Variants in OPCML observed in about 807,000 individuals in gnomAD.
The protein encoded by OPCML is opioid binding protein/cell adhesion molecule like, also known as opioid-binding protein/cell adhesion molecule.
In OPCML, 13 loss-of-function variants were observed where a neutral mutation model predicts 37.8. That is an observed-to-expected ratio of 0.34 (90% confidence interval 0.22 to 0.55). The LOEUF is 0.55. Ranked by LOEUF, OPCML falls within the 20% of genes least tolerant of loss-of-function variation. The probability of loss-of-function intolerance (pLI) is 0.91; values close to 1 mark genes in which losing one functional copy is unlikely to be tolerated. For missense variants in OPCML, 341 were observed against 435.6 expected, an observed-to-expected ratio of 0.78 and a Z score of 1.93; for synonymous variants, 176 against 168.8, an observed-to-expected ratio of 1.04 and a Z score of -0.33.
At chr11:132,512,061 A>G (rs2096269947) in intron 4 of OPCML, among the ~76,000 whole-genome samples, 1 of 152,090 alleles carries the variant, frequency 6.6e-6, no homozygotes, top group Non-Finnish European at 1.5e-5. Context: ...AGAAGATTTC[A>G]ACCACTACTT....
chr11:132,973,955 C>T (rs561751419), intron 1 of OPCML, among the ~76,000 whole-genome samples: 88 of 152,074 alleles, frequency 5.8e-4, no homozygotes, highest in Non-Finnish European at 1.2e-3. Context: ...AGAGAAAGCA[C>T]GGAGTGGATC....
intron 1 of OPCML, among the ~76,000 whole-genome samples, chr11:133,071,845 T>C (rs1948543200): frequency 6.6e-6 from 1 of 152,220 alleles, no homozygotes; most frequent in Non-Finnish European, 1.5e-5. Context: ...CTCCTGTGTT[T>C]TATTCCTAAA....
At chr11:132,886,711 T>C (rs928906215) in intron 2 of OPCML, among the ~76,000 whole-genome samples, 2 of 152,214 alleles carry the variant, frequency 1.3e-5, no homozygotes, top group African/African-American at 2.4e-5. Context: ...CTCCTCCCTG[T>C]GCTGGGGGAG....
At chr11:133,039,452 T>C (rs532243746) in intron 1 of OPCML, among the ~76,000 whole-genome samples, 5 of 152,300 alleles carry the variant, frequency 3.3e-5, no homozygotes, top group African/African-American at 1.2e-4. Context: ...GGGTGAACTC[T>C]GAACAGTGAA....
Position 132,797,111 on chromosome 11 carries a change from G to A in OPCML, c.147-139792C>T, listed in dbSNP as rs186625995. On this transcript the variant is annotated intron_variant, in intron 2 of 7. Transcript: ENST00000524381. Reference sequence around the variant, plus strand: ...TTGGAGCACAAAAGTTGTTAAATTTGATTAAATCCAACTTACCTTTTTCTT... The same window carrying A: ...TTGGAGCACAAAAGTTGTTAAATTTAATTAAATCCAACTTACCTTTTTCTT... 2.9e-4 allele frequency among the ~76,000 whole-genome samples: 44 copies of A among 152,182 alleles called. 1 individual carries two copies. Among genetic ancestry groups the A allele is most frequent in the Non-Finnish European group, 1.2e-4 (8 of 67,990 alleles).
chr11:132,688,044 T>C (rs1943239869), intron 2 of OPCML, among the ~76,000 whole-genome samples: 1 of 152,126 alleles, frequency 6.6e-6, no homozygotes, highest in African/African-American at 2.4e-5. Flanking sequence ...ATCCGGGAAA[T>C]GACGATTCTA....
At chr11:132,618,159 TCA>T (rs1939154544) in intron 3 of OPCML, among the ~76,000 whole-genome samples, 3 of 152,236 alleles carry the variant, frequency 2.0e-5, no homozygotes, top group Non-Finnish European at 1.5e-5. Flanking sequence ...CCAACTTTGG[TCA>T]CAGATATCTA....
chr11:133,402,788 G>A (rs1945435269), intron 1 of OPCML, among the ~76,000 whole-genome samples: 1 of 152,112 alleles, frequency 6.6e-6, no homozygotes, highest in Non-Finnish European at 1.5e-5. Flanking sequence ...TATGGTTTCT[G>A]CCCTGCCCGC....
intron 1 of OPCML, chr11:133,003,744 C>G: frequency 1.0e-6 from 1 of 985,386 alleles, no homozygotes; most frequent in African/African-American, 1.7e-5. Context: ...TTCCTGGAGG[C>G]CATGGAATAG....
chr11:132,435,158 C>G (rs1466106898), intron 7 of OPCML: 19 of 1,287,144 alleles, frequency 1.5e-5, no homozygotes, highest in Non-Finnish European at 1.7e-5. Flanking sequence ...GCTGTACCCA[C>G]CTGCCACTGC....
At chr11:133,089,378 T>G (rs1392655492) in intron 1 of OPCML, among the ~76,000 whole-genome samples, 1 of 152,258 alleles carries the variant, frequency 6.6e-6, no homozygotes, top group Non-Finnish European at 1.5e-5. Context: ...TAAATGTTAT[T>G]TTTGTAAGTA....
At chr11:133,330,995 C>A (rs531464982) in intron 1 of OPCML, among the ~76,000 whole-genome samples, 1 of 152,244 alleles carries the variant, frequency 6.6e-6, no homozygotes, top group African/African-American at 2.4e-5. Context: ...ATGATTTGAA[C>A]CCAAGTCCAA....
intron 1 of OPCML, among the ~76,000 whole-genome samples, chr11:133,059,639 G>A (rs1216478358): frequency 2.0e-5 from 3 of 152,166 alleles, no homozygotes; most frequent in Non-Finnish European, 2.9e-5. Context: ...TTAAAACTTT[G>A]CCTGGTGAGA....
chr11:133,272,572 C>T (rs1162901263), intron 1 of OPCML, among the ~76,000 whole-genome samples: 1 of 152,144 alleles, frequency 6.6e-6, no homozygotes, highest in Non-Finnish European at 1.5e-5. Flanking sequence ...TGCTCCTTCC[C>T]CTCTGGGCCG....
chr11:132,980,440 C>T (rs917464510), intron 1 of OPCML, among the ~76,000 whole-genome samples: 2 of 152,248 alleles, frequency 1.3e-5, no homozygotes, highest in South Asian at 4.1e-4. Flanking sequence ...TTATTTGTTT[C>T]CCCTAGAACT....
At chr11:133,039,379 C>T (rs1291896320) in intron 1 of OPCML, among the ~76,000 whole-genome samples, 1 of 152,196 alleles carries the variant, frequency 6.6e-6, no homozygotes, top group East Asian at 1.9e-4. Context: ...TTGCATTTCC[C>T]CCAAGTCCTT....
chr11:132,473,990 C>T (rs1408500786), intron 4 of OPCML, among the ~76,000 whole-genome samples: 1 of 152,038 alleles, frequency 6.6e-6, no homozygotes, highest in Non-Finnish European at 1.5e-5. Context: ...AGTGAACTTG[C>T]CAGGCCTCAG....
At chr11:132,624,919 A>C (rs982715062) in intron 3 of OPCML, among the ~76,000 whole-genome samples, 5 of 152,146 alleles carry the variant, frequency 3.3e-5, no homozygotes, top group African/African-American at 1.2e-4. Flanking sequence ...GATCAGCATC[A>C]AATCATTTTT....
intron 4 of OPCML, among the ~76,000 whole-genome samples, chr11:132,440,890 A>G (rs1440104513): frequency 6.6e-6 from 1 of 152,200 alleles, no homozygotes; most frequent in Middle Eastern, 3.2e-3. Context: ...TGCCCTCTCC[A>G]GTTCTGGTTG....
Sources: gnomAD v4.1 joint callset for allele counts (sites outside exome capture counted in the v4.1 genomes callset) on GRCh38, gnomAD v4.1.1 for gene constraint, MANE v1.5 for transcripts, NCBI Gene and HGNC (gene_info 2026-07-23, HGNC 2026-07-21) for gene names.